The following PDZD2 variants were observed in gnomAD, a reference collection of about 807,000 sequenced individuals.
The protein encoded by PDZD2 is PDZ domain-containing protein 2.
PDZD2 carries 90 observed loss-of-function variants against 220.7 expected under a neutral mutation model. The observed-to-expected ratio is 0.41, with a 90% CI of 0.34 to 0.49. PDZD2 has a LOEUF of 0.49. Among genes scored for constraint, PDZD2 ranks in the 20% least tolerant of loss-of-function variants. The pLI, the probability that PDZD2 is intolerant of heterozygous loss-of-function variation, is 0.28. For synonymous variants in PDZD2, 1,375 were observed against 1,450.5 expected, an observed-to-expected ratio of 0.95 and a Z score of 1.18; for missense variants, 3,174 against 3,608.5, an observed-to-expected ratio of 0.88 and a Z score of 3.08.
rs771470861 is a variant in PDZD2 at position 32,058,024 on chromosome 5, T to C, written c.2121T>C (p.Asp707=). The C allele has an allele frequency of 1.9e-5, 31 of 1,613,306 alleles. No homozygotes were observed. Among genetic ancestry groups the C allele is most frequent in the Middle Eastern group, 3.3e-4 (2 of 6,060 alleles). ...GGGGAGCCTCAGCGGGAGGTTCCGATGAAGGCAGTTCTTCATCCCTGGGTC... is the reference window on the plus strand; with the variant it reads ...GGGGAGCCTCAGCGGGAGGTTCCGACGAAGGCAGTTCTTCATCCCTGGGTC... ...TSGGASAGGS[D]EGSSSSLGRK... is the part of the protein sequence containing the mutation. The change falls in exon 12 of 25, where the codon GAT becomes GAC. Residue 707 remains aspartate (D), a synonymous_variant. Coordinates refer to ENST00000438447, the MANE Select transcript of PDZD2 (RefSeq NM_178140.4).
chr5:31,754,065 T>C (rs189622785), intron 1 of PDZD2, among the ~76,000 whole-genome samples: 6 of 152,352 alleles, frequency 3.9e-5, no homozygotes, highest in Admixed American at 3.9e-4. Flanking sequence ...CACAGGCTTT[T>C]TCTTTTCCTC....
rs981158407 is a variant in PDZD2 at position 32,031,967 on chromosome 5, C to T, written c.1408-5264C>T. Among the ~76,000 whole-genome samples, 4 of 152,240 alleles carry T rather than the reference C, an allele frequency of 2.6e-5. No individual in the cohort carries two copies. In the East Asian group the frequency reaches 5.8e-4, roughly 22 times the overall value. The stretch of plus-strand genomic sequence containing the variant: ...TGTAAATTGCATTATACTCTGCATA[C>T]ACCTCCTGTGCTTATAGTTTATACA... On this transcript the variant is annotated intron_variant, in intron 6 of 24. Coordinates refer to ENST00000438447, the MANE Select transcript of PDZD2 (RefSeq NM_178140.4).
chr5:31,642,155 C>T (rs1744972723), intron 1 of PDZD2, among the ~76,000 whole-genome samples: 1 of 152,144 alleles, frequency 6.6e-6, no homozygotes, highest in Non-Finnish European at 1.5e-5. Context: ...CACAAGGGGA[C>T]AAATTCCAAA....
intron 2 of PDZD2, among the ~76,000 whole-genome samples, chr5:31,861,152 G>A (rs567515739): frequency 2.0e-5 from 3 of 152,308 alleles, no homozygotes; most frequent in African/African-American, 7.2e-5. Context: ...AACTGGCATA[G>A]GCATCTTGTC....
intron 2 of PDZD2, among the ~76,000 whole-genome samples, chr5:31,956,035 G>A (rs1331459794): frequency 1.3e-5 from 2 of 152,004 alleles, no homozygotes; most frequent in East Asian, 3.9e-4. Flanking sequence ...TTCCTTTGTA[G>A]CCCAACATAT....
chr5:32,057,337 A>T (rs1739180862), intron 10 of PDZD2, among the ~76,000 whole-genome samples: 1 of 152,196 alleles, frequency 6.6e-6, no homozygotes, highest in Non-Finnish European at 1.5e-5. Flanking sequence ...AACGCCTTTG[A>T]ACTAGATTTC....
chr5:31,751,256 A>AAAG (rs1554070480), intron 1 of PDZD2, among the ~76,000 whole-genome samples: 6 of 120,634 alleles, frequency 5.0e-5, no homozygotes, highest in Non-Finnish European at 8.0e-5. Context: ...AAAAAAAAAA[A>AAAG]AGAGAGTGGC....
At chr5:32,031,934 A>G (rs916353197) in intron 6 of PDZD2, among the ~76,000 whole-genome samples, 9 of 152,358 alleles carry the variant, frequency 5.9e-5, no homozygotes, top group Admixed American at 1.3e-4. Context: ...GCTGCTGCCT[A>G]TGGCACATGT....
intron 1 of PDZD2, among the ~76,000 whole-genome samples, chr5:31,706,172 A>G (rs1415543551): frequency 6.6e-6 from 1 of 152,188 alleles, no homozygotes; most frequent in African/African-American, 2.4e-5. Context: ...TTCAATAAAT[A>G]TTTGTTGAAT....
At chr5:31,715,810 T>C (rs1268721248) in intron 1 of PDZD2, among the ~76,000 whole-genome samples, 1 of 152,262 alleles carries the variant, frequency 6.6e-6, no homozygotes, top group Non-Finnish European at 1.5e-5. Context: ...CGGGAGTTTC[T>C]GATGCCACCA....
At chr5:32,071,722 G>A (rs1432370776) in intron 16 of PDZD2, among the ~76,000 whole-genome samples, 1 of 152,222 alleles carries the variant, frequency 6.6e-6, no homozygotes. Flanking sequence ...GGGGCTTTAA[G>A]GAGGCCACGC....
At chr5:31,764,224 A>T (rs887518641) in intron 1 of PDZD2, among the ~76,000 whole-genome samples, 1 of 152,220 alleles carries the variant, frequency 6.6e-6, no homozygotes, top group Non-Finnish European at 1.5e-5. Flanking sequence ...AGTAAAAGAG[A>T]TGGAATTTTC....
chr5:32,092,866 T>C (rs1743285399), intron 20 of PDZD2, 41 bp from the exon 21 acceptor site: 1 of 1,038,890 alleles, frequency 9.6e-7, no homozygotes, highest in Non-Finnish European at 1.4e-6. Flanking sequence ...AAGAAATTGC[T>C]TTTTTCTTTA....
rs544240775 is a variant in PDZD2 at position 32,017,553 on chromosome 5, TTC to T, written c.1407+7077_1407+7078del. Among the ~76,000 whole-genome samples, 320 of 152,342 alleles carry T rather than the reference TTC, an allele frequency of 2.1e-3. 2 individuals are homozygous for T. Among genetic ancestry groups the T allele is most frequent in the African/African-American group, 7.1e-3 (297 of 41,580 alleles). On this transcript the variant is annotated intron_variant, in intron 6 of 24. Coordinates refer to ENST00000438447, the MANE Select transcript of PDZD2 (RefSeq NM_178140.4). ...CTCTCTGCTATGCCCTTCTGGGAAT[TTC>T]TCTCTGGGATAAGAATATCAGTGAT...
chr5:31,854,063 A>C (rs926585038), intron 2 of PDZD2, among the ~76,000 whole-genome samples: 1 of 152,228 alleles, frequency 6.6e-6, no homozygotes, highest in Non-Finnish European at 1.5e-5. Context: ...AAAATGGAAG[A>C]GAATACAGCT....
At chr5:32,027,105 T>C (rs188273288) in intron 6 of PDZD2, among the ~76,000 whole-genome samples, 2,786 of 152,244 alleles carry the variant, frequency 0.018, 89 homozygotes, top group African/African-American at 0.064. Flanking sequence ...GGTTTCACCA[T>C]GTTGGCCAGG....
chr5:31,811,981 C>T (rs1755139537), intron 2 of PDZD2, among the ~76,000 whole-genome samples: 1 of 148,368 alleles, frequency 6.7e-6, no homozygotes, highest in Non-Finnish European at 1.5e-5. Context: ...GAGAGTGAGA[C>T]TCTGTCTCAA....
intron 6 of PDZD2, among the ~76,000 whole-genome samples, chr5:32,025,913 T>C (rs980848914): frequency 5.3e-5 from 8 of 152,058 alleles, no homozygotes; most frequent in African/African-American, 1.9e-4. Context: ...GATGTCTTAC[T>C]TTTCACCTAA....
At chr5:31,991,595 G>A (rs1339164302) in intron 3 of PDZD2, among the ~76,000 whole-genome samples, 2 of 152,198 alleles carry the variant, frequency 1.3e-5, no homozygotes, top group East Asian at 3.8e-4. Context: ...GAATTGTTAA[G>A]GAGGCAGTTG....
Sources: allele counts gnomAD v4.1 joint callset (sites outside exome capture counted in the v4.1 genomes callset), GRCh38; gene constraint gnomAD v4.1.1; transcripts MANE v1.5; gene names NCBI Gene and HGNC (gene_info 2026-07-23, HGNC 2026-07-21).